Variants in C3AR1 observed in about 807,000 individuals in gnomAD.
The protein encoded by C3AR1 is C3a anaphylatoxin chemotactic receptor.
For synonymous variants in C3AR1, 208 were observed against 225.3 expected (o/e 0.92, Z 0.69); for missense variants, 579 against 583.5 (o/e 0.99, Z 0.08).
intron 1 of C3AR1, among the ~76,000 whole-genome samples, chr12:8,060,434 G>A (rs760695051): frequency 2.6e-5 from 4 of 152,094 alleles, no homozygotes; most frequent in East Asian, 3.9e-4. Flanking sequence ...TTCCTCTGTC[G>A]CGCAGGCTGG....
chr12:8,061,064 C>G (rs1020870273), intron 1 of C3AR1, among the ~76,000 whole-genome samples: 3 of 152,174 alleles, frequency 2.0e-5, no homozygotes, highest in African/African-American at 7.2e-5. Context: ...AAGAGGTACT[C>G]TAGACTCAGC....
In C3AR1 at chr12:8,060,250, A is replaced by AT. The variant is rs1366365191; in HGVS notation, c.-10-56_-10-55insA. ...AAACAGTATCTTTTTGAAAATGCAT[A>AT]CATATTCTTAGGATTCTAATCTTCC... On this transcript the variant is annotated intron_variant, in intron 1 of 1. Transcript: ENST00000307637. 5 of 1,326,556 alleles carry AT rather than the reference A, an allele frequency of 3.8e-6. No homozygotes were observed. The African/African-American group carries it at 5.9e-5, about 16-fold the overall frequency. 82.2% of individuals were successfully genotyped at this position (1,326,556 alleles called of 1,614,324 possible).
chr12:8,060,042 A>G lies in C3AR1; in HGVS notation c.144T>C (p.Ala48=). The G allele has an allele frequency of 6.2e-7, 1 of 1,614,190 alleles. No individual in the cohort carries two copies. Among genetic ancestry groups the G allele is most frequent in the Non-Finnish European group, 8.5e-7 (1 of 1,180,040 alleles). The part of the protein sequence containing the change: ...LPGNGLVLWV[A]GLKMQRTVNT... ...TCACTGTCCGCTGCATCTTCAGGCCAGCCACCCACAGCACCAGCCCATTGC... is the reference window on the plus strand; with the variant it reads ...TCACTGTCCGCTGCATCTTCAGGCCGGCCACCCACAGCACCAGCCCATTGC... Residue 48 remains alanine (A), a synonymous_variant, in exon 2 of 2, where the codon GCT becomes GCC. Coordinates refer to ENST00000307637, the MANE Select transcript of C3AR1 (RefSeq NM_004054.4).
intron 1 of C3AR1, 145 bp from the exon 2 acceptor site, chr12:8,060,340 C>T: frequency 1.6e-6 from 1 of 615,872 alleles, no homozygotes; most frequent in South Asian, 2.1e-5. Flanking sequence ...CCTTCCTTCA[C>T]CTCACACGGG....
chr12:8,058,262 A>G lies in C3AR1; in HGVS notation c.*475T>C, dbSNP rs1376782743. On this transcript the variant is annotated 3_prime_UTR_variant, in exon 2 of 2. Transcript: ENST00000307637. ...CGACAACAAAGCATTAGGATATATGATCATCTTTCACTCACGTAGGAGAAC... is the reference window on the plus strand; with the variant it reads ...CGACAACAAAGCATTAGGATATATGGTCATCTTTCACTCACGTAGGAGAAC... 6.4e-6 allele frequency: 1 copy of G among 156,248 alleles called. No individual in the cohort carries two copies. The highest frequency in any genetic ancestry group is 2.4e-5 in the African/African-American group (1 of 41,484). 9.7% of individuals were successfully genotyped at this position (156,248 alleles called of 1,614,324 possible).
At chr12:8,063,979 C>G (rs780146794) in intron 1 of C3AR1, among the ~76,000 whole-genome samples, 1 of 151,578 alleles carries the variant, frequency 6.6e-6, no homozygotes. Context: ...GGCTGAGGCA[C>G]GAGAATCGCT....
intron 1 of C3AR1, among the ~76,000 whole-genome samples, chr12:8,060,436 G>T (rs754366382): frequency 2.0e-5 from 3 of 151,826 alleles, no homozygotes; most frequent in Non-Finnish European, 2.9e-5. Context: ...CCTCTGTCGC[G>T]CAGGCTGGAG....
chr12:8,057,012 AC>A lies in C3AR1; in HGVS notation c.*1724del, dbSNP rs1443536476. Among the ~76,000 whole-genome samples, 1 of 152,240 alleles carries A rather than the reference AC, an allele frequency of 6.6e-6. No homozygotes were observed. Among genetic ancestry groups the A allele is most frequent in the African/African-American group, 2.4e-5 (1 of 41,466 alleles). On this transcript the variant is annotated 3_prime_UTR_variant, in exon 2 of 2. Coordinates refer to ENST00000307637, the MANE Select transcript of C3AR1 (RefSeq NM_004054.4). ...AGTGATTTGTAATTTTTCTGCATAT[AC>A]TTTATAAAAAATCTGTAGTCCAGAC...
chr12:8,059,618 C>T lies in C3AR1; in HGVS notation c.568G>A (p.Asp190Asn), dbSNP rs141254801. 2.4e-5 allele frequency: 38 copies of T among 1,614,000 alleles called. No individual in the cohort carries two copies. Among genetic ancestry groups the T allele is most frequent in the Non-Finnish European group, 3.0e-5 (35 of 1,180,040 alleles). ...SSLDYPDFYGDPLENRSLENI... is the reference protein window; with the variant it reads ...SSLDYPDFYGNPLENRSLENI... Reference sequence around the variant, plus strand: ...TCAAGAGACCTGTTTTCTAGTGGATCTCCATAAAAGTCTGGATAATCTAAT... The same window carrying T: ...TCAAGAGACCTGTTTTCTAGTGGATTTCCATAAAAGTCTGGATAATCTAAT... The change falls in exon 2 of 2, where the codon GAT becomes AAT. Residue 190 changes from aspartate to asparagine, a missense_variant. By Grantham distance (23) the Asp-to-Asn change is conservative. Transcript: ENST00000307637.
Position 8,059,056 on chromosome 12 carries a change from C to A in C3AR1, c.1130G>T (p.Arg377Leu), listed in dbSNP as rs751723531. The A allele has an allele frequency of 2.5e-6, 4 of 1,614,124 alleles. No individual in the cohort carries two copies. Among genetic ancestry groups the A allele is most frequent in the Non-Finnish European group, 3.4e-6 (4 of 1,180,014 alleles). ...GACAGCCACCACCACCACGGCCACT[C>A]GAAAGGTTTTGCTCTGAGACTTGGC... ...RFAKSQSKTF[R>L]VAVVVVAVFL... Residue 377 changes from arginine (R) to leucine (L), a missense_variant, in exon 2 of 2, where the codon CGA (arginine) becomes CTA (leucine). Arg to Leu is a moderately radical substitution (Grantham distance 102). Coordinates refer to ENST00000307637, the MANE Select transcript of C3AR1 (RefSeq NM_004054.4).
chr12:8,060,609 G>A (rs2120390394), intron 1 of C3AR1, among the ~76,000 whole-genome samples: 1 of 152,270 alleles, frequency 6.6e-6, no homozygotes, highest in South Asian at 2.1e-4. Flanking sequence ...TGGCCAGGCT[G>A]GTCTTGAACT....
At chr12:8,061,752 C>A (rs1391312735) in intron 1 of C3AR1, among the ~76,000 whole-genome samples, 1 of 152,160 alleles carries the variant, frequency 6.6e-6, no homozygotes, top group African/African-American at 2.4e-5. Context: ...CGAGCCACCG[C>A]GCCTGGCCCT....
In C3AR1 at chr12:8,057,422, G is replaced by C. The variant is rs982107628; in HGVS notation, c.*1315C>G. Among the ~76,000 whole-genome samples, 1 of 152,090 alleles carries C rather than the reference G, an allele frequency of 6.6e-6. No individual in the cohort carries two copies. The highest frequency in any genetic ancestry group is 1.5e-5 in the Non-Finnish European group (1 of 68,008). ...TCTTCATCTTTCAAAACAAGAAGTCGTTTTATCATGCCTCCAGAAAAGAGC... is the reference window on the plus strand; with the variant it reads ...TCTTCATCTTTCAAAACAAGAAGTCCTTTTATCATGCCTCCAGAAAAGAGC... On this transcript the variant is annotated 3_prime_UTR_variant, in exon 2 of 2. Coordinates refer to ENST00000307637, the MANE Select transcript of C3AR1 (RefSeq NM_004054.4).
rs1161189805 is a variant in C3AR1 at position 8,065,272 on chromosome 12, TAG to T, written c.-11+1004_-11+1005del. 1.6e-4 allele frequency among the ~76,000 whole-genome samples: 24 copies of T among 151,990 alleles called. 1 individual carries two copies. The highest frequency in any genetic ancestry group is 3.3e-4 in the Admixed American group (5 of 15,240). On this transcript the variant is annotated intron_variant, in intron 1 of 1. Coordinates refer to ENST00000307637, the MANE Select transcript of C3AR1 (RefSeq NM_004054.4). ...GCAAACAGCAAAATTTTAATAAAAA[TAG>T]AGTTATCTGTCATGAGCTATATGTT...
In C3AR1 at chr12:8,059,104, A is replaced by G; in HGVS notation, c.1082T>C (p.Phe361Ser). 1 of 1,614,190 alleles carries G rather than the reference A, an allele frequency of 6.2e-7. No homozygotes were observed. The highest frequency in any genetic ancestry group is 8.5e-7 in the Non-Finnish European group (1 of 1,180,042). Residue 361 changes from phenylalanine (F) to serine (S), a missense_variant, in exon 2 of 2, where the codon TTC becomes TCC. By Grantham distance (155) the Phe-to-Ser change is radical (BLOSUM62 -2). Coordinates refer to ENST00000307637, the MANE Select transcript of C3AR1 (RefSeq NM_004054.4). ...IMIACYSFIV[F>S]RMQRGRFAKS... ...GGCGAAGCGGCCCCTTTGCATTCGG[A>G]AGACAATGAAGCTGTAACAGGCTAT...
In C3AR1 at chr12:8,058,435, T is replaced by A. The variant is rs1947217391; in HGVS notation, c.*302A>T. ...GCTTAGTTTGGGATAGAAATAGAAC[T>A]AATGTTTACAATGATTCTTACATTT... On this transcript the variant is annotated 3_prime_UTR_variant, in exon 2 of 2. Coordinates refer to ENST00000307637, the MANE Select transcript of C3AR1 (RefSeq NM_004054.4). 1 of 274,518 alleles carries A rather than the reference T, an allele frequency of 3.6e-6. No homozygotes were observed. Among genetic ancestry groups the A allele is most frequent in the Non-Finnish European group, 6.9e-6 (1 of 145,756 alleles). The allele number at this position is 274,518 out of a possible 1,614,324, so 17.0% of individuals were successfully genotyped here. A position where few individuals can be genotyped will look rare whatever the true frequency, so the allele number is the denominator to read the frequency against.
In C3AR1 at chr12:8,058,623, G is replaced by T. The variant is rs1947220479; in HGVS notation, c.*114C>A. 8.5e-7 allele frequency: 1 copy of T among 1,172,876 alleles called. No individual in the cohort carries two copies. The highest frequency in any genetic ancestry group is 1.2e-6 in the Non-Finnish European group (1 of 825,382). 72.7% of individuals were successfully genotyped at this position (1,172,876 alleles called of 1,614,324 possible). A position where few individuals can be genotyped will look rare whatever the true frequency, so the allele number is the denominator to read the frequency against. On this transcript the variant is annotated 3_prime_UTR_variant, in exon 2 of 2. Transcript: ENST00000307637. ...TCTGTGTACCGTTTGAGAACCGCTGGATTGATTCTTTGACAGTTTTTGAAG... is the reference window on the plus strand; with the variant it reads ...TCTGTGTACCGTTTGAGAACCGCTGTATTGATTCTTTGACAGTTTTTGAAG...
chr12:8,062,641 C>CTTCTTTTT (rs1322562190), intron 1 of C3AR1, among the ~76,000 whole-genome samples: 5 of 152,074 alleles, frequency 3.3e-5, no homozygotes, highest in Admixed American at 1.3e-4. Flanking sequence ...ACACTAACTT[C>CTTCTTTTT]TTCTTTTTTT....
Position 8,058,619 on chromosome 12 carries a change from GC to G in C3AR1, c.*117del, listed in dbSNP as rs2120375856. The stretch of plus-strand genomic sequence containing the variant: ...ATAGTCTGTGTACCGTTTGAGAACC[GC>G]TGGATTGATTCTTTGACAGTTTTTG... On this transcript the variant is annotated 3_prime_UTR_variant, in exon 2 of 2. Transcript: ENST00000307637. 24 of 1,133,748 alleles carry G rather than the reference GC, an allele frequency of 2.1e-5. No homozygotes were observed. The South Asian group carries it at 3.5e-4, about 17-fold the overall frequency. 70.2% of individuals were successfully genotyped at this position (1,133,748 alleles called of 1,614,324 possible). A position where few individuals can be genotyped will look rare whatever the true frequency, so the allele number is the denominator to read the frequency against.
Sources: gnomAD v4.1 joint callset for allele counts (sites outside exome capture counted in the v4.1 genomes callset) on GRCh38, gnomAD v4.1.1 for gene constraint, MANE v1.5 for transcripts, NCBI Gene and HGNC (gene_info 2026-07-23, HGNC 2026-07-21) for gene names.